ATXN10: variants seen among roughly 807,000 people sequenced by gnomAD.
ATXN10 encodes ataxin 10.
Under a neutral mutation model 52.9 loss-of-function variants are expected in ATXN10, and 28 were observed. That is an observed-to-expected ratio of 0.53 (90% CI 0.39 to 0.73). The LOEUF (loss-of-function observed/expected upper bound fraction) is 0.73. ATXN10 is among the 30% of genes least tolerant of loss of function. The probability of loss-of-function intolerance (pLI) is 0.00; values close to 1 mark genes in which losing one functional copy is unlikely to be tolerated. For synonymous variants in ATXN10, 226 were observed against 221.5 expected (o/e 1.02, Z -0.18); for missense variants, 565 against 577.0 (o/e 0.98, Z 0.21).
In ATXN10 at chr22:45,845,121, A is replaced by G. The variant is rs1380833477; in HGVS notation, c.*1450A>G. 2 of 152,356 alleles carry G rather than the reference A, an allele frequency of 1.3e-5. No homozygotes were observed. Among genetic ancestry groups the G allele is most frequent in the South Asian group, 2.1e-4 (1 of 4,824 alleles). 9.4% of individuals were successfully genotyped at this position (152,356 alleles called of 1,614,324 possible). Reference sequence around the variant, plus strand: ...TAAAGAGTTAAAGCTCTGTCCTCTAAATAGAAGCCTGGCCAAAGGGAGAAA... The same window carrying G: ...TAAAGAGTTAAAGCTCTGTCCTCTAGATAGAAGCCTGGCCAAAGGGAGAAA... On this transcript the variant is annotated 3_prime_UTR_variant, in exon 12 of 12. Coordinates refer to ENST00000252934, the MANE Select transcript of ATXN10 (RefSeq NM_013236.4). This position sits in a 1 kb window ranked among gnomAD's most constrained non-coding sequence, Gnocchi z 4.7.
In ATXN10 at chr22:45,818,576, A is replaced by G. The variant is rs945901159; in HGVS notation, c.1237+11554A>G. Among the ~76,000 whole-genome samples, 2 of 151,906 alleles carry G rather than the reference A, an allele frequency of 1.3e-5. No homozygotes were observed. Among genetic ancestry groups the G allele is most frequent in the African/African-American group, 4.8e-5 (2 of 41,340 alleles). On this transcript the variant is annotated intron_variant, in intron 10 of 11. Coordinates refer to ENST00000252934, the MANE Select transcript of ATXN10 (RefSeq NM_013236.4). The surrounding 1 kb of genome is among the most constrained non-coding windows in gnomAD (Gnocchi z 4.6). ...GGTCCTTTTTGGTTTGAAGGTGACC[A>G]CCCTCGCTTTCAGCGGACCGGGGCA...
intron 6 of ATXN10, among the ~76,000 whole-genome samples, chr22:45,726,384 C>T (rs1290417859): frequency 1.3e-5 from 2 of 152,088 alleles, no homozygotes; most frequent in African/African-American, 4.8e-5. Flanking sequence ...CTGATTCAAG[C>T]TAGGAGGGTT....
At chr22:45,724,426 G>C (rs112729543) in intron 6 of ATXN10, among the ~76,000 whole-genome samples, 1 of 152,026 alleles carries the variant, frequency 6.6e-6, no homozygotes, top group Non-Finnish European at 1.5e-5. Context: ...ACTAGTGATG[G>C]TGAGCATTTT....
chr22:45,811,385 A>G (rs531077985), intron 10 of ATXN10, among the ~76,000 whole-genome samples: 1 of 152,276 alleles, frequency 6.6e-6, no homozygotes, highest in South Asian at 2.1e-4. Flanking sequence ...TGTTTCTTGT[A>G]TAAAGTATAT....
At chr22:45,734,758 C>A (rs1281022889) in intron 7 of ATXN10, among the ~76,000 whole-genome samples, 2 of 151,378 alleles carry the variant, frequency 1.3e-5, no homozygotes, top group Non-Finnish European at 2.9e-5. Flanking sequence ...ATTATAAAAT[C>A]TTTTGGTGTG....
At chr22:45,776,677 T>C (rs1335959092) in intron 9 of ATXN10, among the ~76,000 whole-genome samples, 1 of 151,150 alleles carries the variant, frequency 6.6e-6, no homozygotes, top group Admixed American at 6.6e-5. Context: ...GCTTTCTCAA[T>C]AGAGAAAATG....
At chr22:45,793,849 C>T (rs778428284) in intron 9 of ATXN10, 2 of 1,287,756 alleles carry the variant, frequency 1.6e-6, no homozygotes. Context: ...CAAGGGTGAG[C>T]TGGTGGTGGT....
intron 10 of ATXN10, among the ~76,000 whole-genome samples, chr22:45,817,542 C>T (rs1569076850): frequency 6.6e-6 from 1 of 152,048 alleles, no homozygotes; most frequent in Non-Finnish European, 1.5e-5. Context: ...CCAGACTGGT[C>T]TTGAACTCCT....
At position 45,710,890 on chromosome 22, in the gene ATXN10, G is replaced by A. The variant is rs1924220744; in HGVS notation, c.648-7523G>A. ...AATAAGTCTGGTGATTGGTGGCATC[G>A]TTGTCCTTCAGTCACTTCAGGCTTA... On this transcript the variant is annotated intron_variant, in intron 5 of 11. Coordinates refer to ENST00000252934, the MANE Select transcript of ATXN10 (RefSeq NM_013236.4). 3.9e-5 allele frequency among the ~76,000 whole-genome samples: 6 copies of A among 152,226 alleles called. 1 individual carries two copies. In the South Asian group the frequency reaches 1.0e-3, roughly 26 times the overall value.
At chr22:45,788,134 G>A (rs1927381756) in intron 9 of ATXN10, among the ~76,000 whole-genome samples, 3 of 152,156 alleles carry the variant, frequency 2.0e-5, no homozygotes, top group Admixed American at 2.0e-4. Context: ...GCAGATGACA[G>A]CAGAATGCCT....
rs1022918780 is a variant in ATXN10 at position 45,823,598 on chromosome 22, G to A, written c.1237+16576G>A. ...GTCCCTGGCCTGATACTATACTCTT[G>A]TAATCATCGTGACTTTATGATCTTG... On this transcript the variant is annotated intron_variant, in intron 10 of 11. Transcript: ENST00000252934. This position sits in a 1 kb window ranked among gnomAD's most constrained non-coding sequence, Gnocchi z 4.9. Among the ~76,000 whole-genome samples the A allele has an allele frequency of 6.6e-6, 1 of 152,078 alleles. No homozygotes were observed. Among genetic ancestry groups the A allele is most frequent in the African/African-American group, 2.4e-5 (1 of 41,388 alleles).
At chr22:45,799,622 C>T (rs1927867584) in intron 9 of ATXN10, among the ~76,000 whole-genome samples, 1 of 152,188 alleles carries the variant, frequency 6.6e-6, no homozygotes, top group South Asian at 2.1e-4. Context: ...CCTTCATAGT[C>T]CTCAGAAAGA....
At chr22:45,685,681 G>A (rs1923109065) in intron 1 of ATXN10, among the ~76,000 whole-genome samples, 2 of 152,074 alleles carry the variant, frequency 1.3e-5, no homozygotes, top group South Asian at 2.1e-4. Flanking sequence ...CTGTAGAGAA[G>A]GTAAAGATGT....
rs1366106396 is a variant in ATXN10 at position 45,757,022 on chromosome 22, C to CGA, written c.1173+16489_1173+16490dup. The stretch of plus-strand genomic sequence containing the variant: ...AGGGAAGGAGTGGAGAAGAACCAGA[C>CGA]GAGAGACACGGTTCCAGATGCTTTC... On this transcript the variant is annotated intron_variant, in intron 9 of 11. Transcript: ENST00000252934. The surrounding 1 kb of genome is among the most constrained non-coding windows in gnomAD (Gnocchi z 4.6). Among the ~76,000 whole-genome samples the CGA allele has an allele frequency of 6.6e-6, 1 of 152,128 alleles. No homozygotes were observed. Among genetic ancestry groups the CGA allele is most frequent in the Non-Finnish European group, 1.5e-5 (1 of 68,020 alleles).
In ATXN10 at chr22:45,751,748, A is replaced by AT. The variant is rs1429958066; in HGVS notation, c.1173+11210_1173+11211insT. Among the ~76,000 whole-genome samples the AT allele has an allele frequency of 2.6e-3, 169 of 64,802 alleles. 1 individual carries two copies. Among genetic ancestry groups the AT allele is most frequent in the South Asian group, 5.6e-3 (9 of 1,604 alleles). 42.5% of individuals were successfully genotyped at this position (64,802 alleles called of 152,430 possible). On this transcript the variant is annotated intron_variant, in intron 9 of 11. Coordinates refer to ENST00000252934, the MANE Select transcript of ATXN10 (RefSeq NM_013236.4). ...AGCTCTACCTTTTTCTGGAAAAAAA[A>AT]AAAAAATAAAAAAAAAATAATAATA...
intron 9 of ATXN10, among the ~76,000 whole-genome samples, chr22:45,764,542 G>C (rs1926516489): frequency 6.6e-6 from 1 of 152,178 alleles, no homozygotes. Context: ...TCTTTTACCA[G>C]TGGTAGTTTC....
intron 3 of ATXN10, among the ~76,000 whole-genome samples, 153 bp downstream of exon 3, chr22:45,693,231 G>A (rs1012535555): frequency 6.6e-6 from 1 of 152,208 alleles, no homozygotes; most frequent in African/African-American, 2.4e-5. Flanking sequence ...TTATAAAGTT[G>A]TATCAACTTC....
intron 9 of ATXN10, among the ~76,000 whole-genome samples, chr22:45,765,126 G>A (rs1601632218): frequency 6.6e-6 from 1 of 152,300 alleles, no homozygotes; most frequent in East Asian, 1.9e-4. Flanking sequence ...ATGCCCCTGT[G>A]GAAACACTAC....
At chr22:45,738,685 T>C (rs997231301) in intron 7 of ATXN10, 46 bp from the exon 8 acceptor site, 1 of 1,443,770 alleles carries the variant, frequency 6.9e-7, no homozygotes, top group Admixed American at 1.7e-5. Context: ...AGTTAAATAA[T>C]TTCTCTTAAA....
Sources: allele counts gnomAD v4.1 joint callset (sites outside exome capture counted in the v4.1 genomes callset), GRCh38; gene constraint gnomAD v4.1.1; non-coding constraint Gnocchi (gnomAD v3.1); transcripts MANE v1.5; gene names NCBI Gene and HGNC (gene_info 2026-07-23, HGNC 2026-07-21).